The following KCNT2 variants were observed in gnomAD, a reference collection of about 807,000 sequenced individuals.
KCNT2 encodes the protein potassium channel subfamily T member 2.
In KCNT2, 67 loss-of-function variants were observed where a neutral mutation model predicts 153.8. The ratio of observed to expected loss-of-function variants is 0.44; its 90% confidence interval spans 0.36 to 0.53. The LOEUF (loss-of-function observed/expected upper bound fraction) is 0.53, where lower values mean the gene tolerates loss of function less well. Ranked by LOEUF, KCNT2 falls within the 20% of genes least tolerant of loss-of-function variation. The pLI is 0.00. For synonymous variants in KCNT2, 500 were observed against 458.8 expected (o/e 1.09, Z -1.15); for missense variants, 975 against 1,354.8 (o/e 0.72, Z 4.40).
At chr1:196,596,159 G>A (rs1314301560) in intron 1 of KCNT2, among the ~76,000 whole-genome samples, 1 of 149,128 alleles carries the variant, frequency 6.7e-6, no homozygotes, top group African/African-American at 2.6e-5. Flanking sequence ...CCATATATTT[G>A]CAATTACAAG....
intron 13 of KCNT2, among the ~76,000 whole-genome samples, chr1:196,398,303 G>A (rs1450983545): frequency 6.6e-6 from 1 of 151,194 alleles, no homozygotes; most frequent in Non-Finnish European, 1.5e-5. Context: ...ATATATTTAG[G>A]CTTATTAAGG....
chr1:196,569,321 A>G (rs1485895267), intron 1 of KCNT2, among the ~76,000 whole-genome samples: 2 of 152,190 alleles, frequency 1.3e-5, no homozygotes, highest in African/African-American at 4.8e-5. Context: ...ATTTTTTAAA[A>G]AACACATTGT....
In KCNT2 at chr1:196,340,462, A is replaced by G. The variant is rs145352494; in HGVS notation, c.1662T>C (p.Asn554=). Residue 554 remains asparagine, a synonymous_variant, in exon 16 of 28, where the codon AAT becomes AAC. Coordinates refer to ENST00000294725, the MANE Select transcript of KCNT2 (RefSeq NM_198503.5). ...MNSTDICFYI[N]ITKEENSAFK... Reference sequence around the variant, plus strand: ...ATGCTGAATTCTCTTCTTTGGTAATATTAATATAAAAGCATATGTCTGTAG... The same window carrying G: ...ATGCTGAATTCTCTTCTTTGGTAATGTTAATATAAAAGCATATGTCTGTAG... The G allele has an allele frequency of 1.2e-6, 2 of 1,611,656 alleles. No individual in the cohort carries two copies. Among genetic ancestry groups the G allele is most frequent in the African/African-American group, 1.3e-5 (1 of 74,920 alleles).
chr1:196,323,900 T>C (rs971845581), intron 19 of KCNT2, among the ~76,000 whole-genome samples: 4 of 151,702 alleles, frequency 2.6e-5, no homozygotes, highest in African/African-American at 9.7e-5. Flanking sequence ...CCTCATTTTT[T>C]TTGTAATATT....
intron 27 of KCNT2, among the ~76,000 whole-genome samples, chr1:196,234,899 A>C (rs1347062828): frequency 6.6e-6 from 1 of 151,310 alleles, no homozygotes; most frequent in Non-Finnish European, 1.5e-5. Flanking sequence ...ATAGTTAGTT[A>C]CCCTGGGTAA....
chr1:196,437,981 A>G (rs1674876428), intron 8 of KCNT2, among the ~76,000 whole-genome samples: 1 of 151,484 alleles, frequency 6.6e-6, no homozygotes, highest in African/African-American at 2.4e-5. Context: ...ATAAATTAAT[A>G]AATATTTTTT....
chr1:196,440,117 C>G (rs1157484576), intron 8 of KCNT2, among the ~76,000 whole-genome samples: 1 of 151,844 alleles, frequency 6.6e-6, no homozygotes, highest in Non-Finnish European at 1.5e-5. Flanking sequence ...CCCTGTCTAC[C>G]CTTGAGGTAA....
At chr1:196,475,693 AC>A (rs1294434998) in intron 5 of KCNT2, among the ~76,000 whole-genome samples, 1 of 152,130 alleles carries the variant, frequency 6.6e-6, no homozygotes, top group African/African-American at 2.4e-5. Flanking sequence ...ATAAATGACT[AC>A]CAATTACTTG....
At chr1:196,492,916 G>A (rs1679964575) in intron 1 of KCNT2, among the ~76,000 whole-genome samples, 1 of 152,048 alleles carries the variant, frequency 6.6e-6, no homozygotes. Context: ...AAGTAGCAGT[G>A]GCAAATAGAA....
At chr1:196,336,422 C>T (rs1261298651) in intron 16 of KCNT2, among the ~76,000 whole-genome samples, 1 of 152,140 alleles carries the variant, frequency 6.6e-6, no homozygotes, top group Non-Finnish European at 1.5e-5. Context: ...TCTTTTCTAA[C>T]CAAAATACAT....
chr1:196,351,088 G>A (rs137892220), intron 14 of KCNT2, among the ~76,000 whole-genome samples: 7,541 of 152,228 alleles, frequency 0.05, 283 homozygotes, highest in Non-Finnish European at 0.071. Context: ...CCAGTATCAT[G>A]CTGCTTTGGT....
At chr1:196,524,106 A>G (rs1021083276) in intron 1 of KCNT2, among the ~76,000 whole-genome samples, 1 of 4,964 alleles carries the variant, frequency 2.0e-4, no homozygotes, top group African/African-American at 2.1e-4. Context: ...AACCAGCTTT[A>G]TATGAAAATG....
intron 8 of KCNT2, among the ~76,000 whole-genome samples, chr1:196,436,226 A>T (rs1674642733): frequency 6.6e-6 from 1 of 151,614 alleles, no homozygotes; most frequent in Non-Finnish European, 1.5e-5. Context: ...TACTGGCAAC[A>T]CAACTGGAGA....
Position 196,608,393 on chromosome 1 carries a change from A to G in KCNT2, c.-84T>C. 2 of 1,046,112 alleles carry G rather than the reference A, an allele frequency of 1.9e-6. No individual in the cohort carries two copies. Among genetic ancestry groups the G allele is most frequent in the Admixed American group, 1.8e-5 (1 of 54,672 alleles). The allele number at this position is 1,046,112 out of a possible 1,614,324, so 64.8% of individuals were successfully genotyped here. On this transcript the variant is annotated 5_prime_UTR_variant, in exon 1 of 28. Coordinates refer to ENST00000294725, the MANE Select transcript of KCNT2 (RefSeq NM_198503.5). The stretch of plus-strand genomic sequence containing the variant: ...AGAAAATATTGCGGAGTACAGGGAG[A>G]GGACTAACAAGACGCTGTGGCCGAG...
intron 25 of KCNT2, among the ~76,000 whole-genome samples, chr1:196,278,930 C>T (rs1658831244): frequency 6.6e-6 from 1 of 152,076 alleles, no homozygotes; most frequent in Non-Finnish European, 1.5e-5. Flanking sequence ...ATGAAAGAGC[C>T]TTATAAAAGA....
intron 1 of KCNT2, among the ~76,000 whole-genome samples, chr1:196,504,329 G>T (rs541854794): frequency 6.8e-6 from 1 of 147,658 alleles, no homozygotes; most frequent in Non-Finnish European, 1.5e-5. Context: ...GTGAGAACAT[G>T]CGGTGTTTGG....
chr1:196,331,309 G>C (rs761413771), intron 17 of KCNT2, 48 bp from the exon 18 acceptor site: 5 of 924,050 alleles, frequency 5.4e-6, no homozygotes, highest in Middle Eastern at 2.1e-4. Flanking sequence ...ATGCAAATTT[G>C]AGAAATTAAG....
chr1:196,334,116 G>A (rs1483137950), intron 16 of KCNT2, 56 bp from the exon 17 acceptor site: 2 of 1,055,562 alleles, frequency 1.9e-6, no homozygotes, highest in Admixed American at 3.8e-5. Flanking sequence ...GATCACTAGT[G>A]TTGAAGGTTA....
At chr1:196,400,947 C>T (rs988657390) in intron 12 of KCNT2, among the ~76,000 whole-genome samples, 7 of 151,754 alleles carry the variant, frequency 4.6e-5, no homozygotes, top group African/African-American at 1.2e-4. Context: ...CACAACAGCA[C>T]AAGTTGGCTA....
Sources: allele counts gnomAD v4.1 joint callset (sites outside exome capture counted in the v4.1 genomes callset), GRCh38; gene constraint gnomAD v4.1.1; transcripts MANE v1.5; gene names NCBI Gene and HGNC (gene_info 2026-07-23, HGNC 2026-07-21).